Variants in ZUP1 observed in about 807,000 individuals in gnomAD.
ZUP1 encodes zinc finger-containing ubiquitin peptidase 1.
ZUP1 carries 55 observed loss-of-function variants against 68.1 expected under a neutral mutation model. That is an observed-to-expected ratio of 0.81 (90% CI 0.65 to 1.01). The LOEUF (loss-of-function observed/expected upper bound fraction) is 1.01, where lower values mean the gene tolerates loss of function less well. Ranked by LOEUF, ZUP1 falls within the 50% of genes least tolerant of loss-of-function variation. ZUP1 has a pLI of 0.00. For missense variants in ZUP1, 684 were observed against 674.9 expected (o/e 1.01, Z -0.15); for synonymous variants, 223 against 221.5 (o/e 1.01, Z -0.06).
chr6:116,662,954 CCTT>C (rs1776889840), intron 2 of ZUP1, among the ~76,000 whole-genome samples: 1 of 152,140 alleles, frequency 6.6e-6, no homozygotes, highest in South Asian at 2.1e-4. Flanking sequence ...TGGATCAAAA[CCTT>C]CTTTTCCTAG....
intron 9 of ZUP1, among the ~76,000 whole-genome samples, chr6:116,636,257 T>C (rs1234715329): frequency 2.0e-5 from 3 of 152,098 alleles, no homozygotes; most frequent in African/African-American, 7.2e-5. Flanking sequence ...CTCATTATAG[T>C]CTTAAAAACG....
intron 9 of ZUP1, among the ~76,000 whole-genome samples, chr6:116,636,642 A>T (rs922796751): frequency 6.6e-6 from 1 of 152,124 alleles, no homozygotes; most frequent in Non-Finnish European, 1.5e-5. Flanking sequence ...GGCCAAGATT[A>T]AAAAAAATTT....
intron 9 of ZUP1, among the ~76,000 whole-genome samples, chr6:116,643,438 T>C (rs1186503429): frequency 2.0e-5 from 3 of 152,252 alleles, no homozygotes; most frequent in African/African-American, 4.8e-5. Context: ...CTTCAAACTA[T>C]ACTACAAGGT....
intron 9 of ZUP1, among the ~76,000 whole-genome samples, chr6:116,638,595 A>C (rs907766758): frequency 9.8e-5 from 15 of 152,374 alleles, no homozygotes; most frequent in African/African-American, 3.4e-4. Flanking sequence ...AATATGAGTT[A>C]GGTCTCCTTG....
At chr6:116,655,542 A>G (rs1262973067) in intron 5 of ZUP1, among the ~76,000 whole-genome samples, 2 of 152,234 alleles carry the variant, frequency 1.3e-5, no homozygotes, top group Non-Finnish European at 2.9e-5. Context: ...TTAAGTAAAT[A>G]TGGCAAAACA....
chr6:116,648,587 A>C (rs1453206136), intron 7 of ZUP1, among the ~76,000 whole-genome samples: 3 of 152,216 alleles, frequency 2.0e-5, no homozygotes, highest in African/African-American at 7.2e-5. Flanking sequence ...ACAGAAAGAC[A>C]TGTAAATAAC....
At chr6:116,641,903 C>T (rs896419021) in intron 9 of ZUP1, among the ~76,000 whole-genome samples, 18 of 152,002 alleles carry the variant, frequency 1.2e-4, no homozygotes, top group Middle Eastern at 3.4e-3. Context: ...ATTCAGGAGC[C>T]GGTTTTTTGA....
chr6:116,648,093 C>T (rs982058140), intron 7 of ZUP1, among the ~76,000 whole-genome samples: 2 of 152,220 alleles, frequency 1.3e-5, no homozygotes, highest in Non-Finnish European at 2.9e-5. Flanking sequence ...CTTTTCCTGT[C>T]GGTCTCTCAA....
At chr6:116,641,135 C>T (rs541151350) in intron 9 of ZUP1, among the ~76,000 whole-genome samples, 2 of 148,558 alleles carry the variant, frequency 1.3e-5, no homozygotes, top group South Asian at 4.5e-4. Context: ...ACAAGAAGAG[C>T]TAACTATCCT....
chr6:116,645,478 G>A (rs533672895), intron 9 of ZUP1, among the ~76,000 whole-genome samples: 55 of 151,780 alleles, frequency 3.6e-4, no homozygotes, highest in African/African-American at 1.3e-3. Context: ...CTACTTGGGA[G>A]GCTGAGGCAG....
chr6:116,659,114 A>G (rs1487376129), intron 3 of ZUP1, among the ~76,000 whole-genome samples, 190 bp from the exon 4 acceptor site: 1 of 152,142 alleles, frequency 6.6e-6, no homozygotes, highest in Non-Finnish European at 1.5e-5. Flanking sequence ...CTCCATCTAA[A>G]TGACAACTAA....
rs1204166683 is a variant in ZUP1, at chr6:116,660,675, GAT to G, written c.670+59_670+60del. On this transcript the variant is annotated intron_variant, in intron 3 of 9. Transcript: ENST00000368576. ...TTCCATATCACAAATCTAAAAATTA[GAT>G]ATGTGTCCTAGAAAGTAGAAATTAA... 13 of 872,082 alleles carry G rather than the reference GAT, an allele frequency of 1.5e-5. 1 individual carries two copies. Among genetic ancestry groups the G allele is most frequent in the East Asian group, 1.1e-4 (4 of 35,016 alleles). The allele number at this position is 872,082 out of a possible 1,614,324, so 54.0% of individuals were successfully genotyped here.
intron 9 of ZUP1, among the ~76,000 whole-genome samples, chr6:116,638,385 ATGG>A (rs1775968307): frequency 6.6e-6 from 1 of 152,092 alleles, no homozygotes; most frequent in African/African-American, 2.4e-5. Context: ...TTCCCCCCTG[ATGG>A]TGTAGTAGCT....
At chr6:116,636,045 A>G (rs1235431996) in intron 9 of ZUP1, among the ~76,000 whole-genome samples, 166 bp from the exon 10 acceptor site, 1 of 152,146 alleles carries the variant, frequency 6.6e-6, no homozygotes, top group African/African-American at 2.4e-5. Flanking sequence ...AGGAATAAAC[A>G]TTTTTCCAGC....
intron 9 of ZUP1, among the ~76,000 whole-genome samples, chr6:116,644,583 G>C (rs1042006367): frequency 2.6e-5 from 4 of 151,148 alleles, no homozygotes; most frequent in Admixed American, 6.6e-5. Flanking sequence ...GTAAACTATC[G>C]CAAGAACAAA....
At chr6:116,646,297 A>G (rs1776307558) in intron 8 of ZUP1, 1 of 169,142 alleles carries the variant, frequency 5.9e-6, no homozygotes. Context: ...AAACCCATAA[A>G]TGCTAGAATA....
chr6:116,662,585 C>T (rs556532905), intron 2 of ZUP1, among the ~76,000 whole-genome samples: 1 of 152,336 alleles, frequency 6.6e-6, no homozygotes, highest in African/African-American at 2.4e-5. Flanking sequence ...CTCCTATTCT[C>T]CCAATACCTA....
At chr6:116,655,889 A>C (rs1776647761) in intron 5 of ZUP1, among the ~76,000 whole-genome samples, 1 of 152,232 alleles carries the variant, frequency 6.6e-6, no homozygotes, top group Non-Finnish European at 1.5e-5. Context: ...GAGAATTTGA[A>C]ATGTGGCTGC....
In ZUP1 at chr6:116,656,790, T is replaced by C; in HGVS notation, c.855A>G (p.Ile285Met). Residue 285 changes from isoleucine to methionine, a missense_variant, in exon 5 of 10, where the codon ATA (isoleucine) becomes ATG (methionine). Ile to Met is a conservative substitution (Grantham distance 10, BLOSUM62 1). Transcript: ENST00000368576. ...YKQQQLRNMEIEVNRGRMPPS... is the reference protein window; with the variant it reads ...YKQQQLRNMEMEVNRGRMPPS... ...GAGGCATTCTTCCCCTATTTACTTC[T>C]ATCTCCATATTTCGTAGTTGTTGTT... 6.2e-7 allele frequency: 1 copy of C among 1,610,740 alleles called. No homozygotes were observed. Among genetic ancestry groups the C allele is most frequent in the Non-Finnish European group, 8.5e-7 (1 of 1,177,672 alleles).
Sources: gnomAD v4.1 joint callset for allele counts (sites outside exome capture counted in the v4.1 genomes callset) on GRCh38, gnomAD v4.1.1 for gene constraint, MANE v1.5 for transcripts, NCBI Gene and HGNC (gene_info 2026-07-23, HGNC 2026-07-21) for gene names.